PRDM16: variants seen among roughly 807,000 people sequenced by gnomAD.
PRDM16 encodes PR/SET domain 16.
Under a neutral mutation model 110.6 loss-of-function variants are expected in PRDM16, and 23 were observed. The observed-to-expected ratio is 0.21, with a 90% CI of 0.15 to 0.29. The LOEUF (loss-of-function observed/expected upper bound fraction) is 0.29, where lower values mean the gene tolerates loss of function less well. PRDM16 is among the 10% of genes least tolerant of loss of function. The probability of loss-of-function intolerance (pLI) is 1.00; values close to 1 mark genes in which losing one functional copy is unlikely to be tolerated. For missense variants in PRDM16, 1,615 were observed against 1,794.3 expected, an observed-to-expected ratio of 0.90 and a Z score of 1.81; for synonymous variants, 799 against 781.8, an observed-to-expected ratio of 1.02 and a Z score of -0.37.
At chr1:3,164,782 G>C (rs184627414) in intron 1 of PRDM16, among the ~76,000 whole-genome samples, 9 of 152,112 alleles carry the variant, frequency 5.9e-5, no homozygotes, top group Non-Finnish European at 1.0e-4. Context: ...CTGTGTTTGC[G>C]GGGGGAGGCT....
chr1:3,124,769 G>C (rs1034556617), intron 1 of PRDM16, among the ~76,000 whole-genome samples: 1 of 152,202 alleles, frequency 6.6e-6, no homozygotes, highest in Admixed American at 6.5e-5. Context: ...CAGCAGGATG[G>C]GGGGACCTCT....
chr1:3,386,118 T>G (rs1643191537), intron 4 of PRDM16, among the ~76,000 whole-genome samples: 1 of 151,840 alleles, frequency 6.6e-6, no homozygotes, highest in African/African-American at 2.4e-5. Flanking sequence ...ACTTTCCGCC[T>G]GCATCCTGAA....
rs775958668 is a variant in PRDM16, at chr1:3,402,818, G to A, written c.704G>A (p.Cys235Tyr). 1.9e-6 allele frequency: 3 copies of A among 1,612,732 alleles called. No homozygotes were observed. The highest frequency in any genetic ancestry group is 1.1e-5 in the South Asian group (1 of 91,086). ...DEEPTFRCDE[C>Y]DELFQSKLDL... Reference sequence around the variant, plus strand: ...GAGCCCACGTTCCGCTGTGACGAGTGTGACGAACTCTTCCAGTCCAAGCTG... The same window carrying A: ...GAGCCCACGTTCCGCTGTGACGAGTATGACGAACTCTTCCAGTCCAAGCTG... Residue 235 changes from cysteine to tyrosine, a missense_variant, in exon 6 of 17, where the codon TGT (cysteine) becomes TAT (tyrosine). Around this residue, in one of 5 missense-constraint regions of PRDM16, gnomAD observed 416 missense variants for 467.1 expected, o/e 0.89. Coordinates refer to ENST00000270722, the MANE Select transcript of PRDM16 (RefSeq NM_022114.4).
intron 3 of PRDM16, among the ~76,000 whole-genome samples, chr1:3,291,569 CG>C (rs1004714332): frequency 2.0e-5 from 3 of 151,924 alleles, no homozygotes; most frequent in African/African-American, 7.3e-5. Flanking sequence ...ACACTCCTCC[CG>C]CCCCTGCCCA....
At chr1:3,374,672 G>GA (rs1450260945) in intron 3 of PRDM16, among the ~76,000 whole-genome samples, 1 of 152,208 alleles carries the variant, frequency 6.6e-6, no homozygotes, top group Non-Finnish European at 1.5e-5. Context: ...AGCGGAGGCA[G>GA]AGGCATTCTC....
At chr1:3,241,878 G>A (rs1351168862) in intron 2 of PRDM16, among the ~76,000 whole-genome samples, 2 of 152,220 alleles carry the variant, frequency 1.3e-5, no homozygotes, top group Admixed American at 6.5e-5. Flanking sequence ...TGCATCTGAG[G>A]CCACAGCAGG....
rs1641992318 is a variant in PRDM16, at chr1:3,080,273, C to T, written c.37+10977C>T. ...TATTAAATTGCAATAACACGCCGTG[C>T]GAGTGCCTCTCTGAATGGGGTATTC... On this transcript the variant is annotated intron_variant, in intron 1 of 16. Coordinates refer to ENST00000270722, the MANE Select transcript of PRDM16 (RefSeq NM_022114.4). The surrounding 1 kb of genome is among the most constrained non-coding windows in gnomAD (Gnocchi z 5.2). Among the ~76,000 whole-genome samples, 1 of 152,192 alleles carries T rather than the reference C, an allele frequency of 6.6e-6. No homozygotes were observed.
chr1:3,326,713 C>G (rs1641919723), intron 3 of PRDM16, among the ~76,000 whole-genome samples: 1 of 152,250 alleles, frequency 6.6e-6, no homozygotes, highest in African/African-American at 2.4e-5. Flanking sequence ...GCAGTGGCCA[C>G]CACAGGCAGT....
intron 1 of PRDM16, among the ~76,000 whole-genome samples, chr1:3,156,845 C>T (rs1358864325): frequency 6.6e-6 from 1 of 152,330 alleles, no homozygotes; most frequent in Non-Finnish European, 1.5e-5. Flanking sequence ...TGGCTTCTGT[C>T]TGAGCCTCTG....
chr1:3,257,171 C>T (rs1362154280), intron 3 of PRDM16, among the ~76,000 whole-genome samples: 3 of 152,322 alleles, frequency 2.0e-5, no homozygotes, highest in Middle Eastern at 3.4e-3. Context: ...GAGGGCTCTT[C>T]GAGTTGGTTG....
chr1:3,093,922 C>T (rs1642333176), intron 1 of PRDM16, among the ~76,000 whole-genome samples: 1 of 152,236 alleles, frequency 6.6e-6, no homozygotes, highest in Admixed American at 6.5e-5. Context: ...GAAGGAGTTC[C>T]TGACAAATTT....
At chr1:3,338,012 TAC>T (rs563993926) in intron 3 of PRDM16, among the ~76,000 whole-genome samples, 123 of 152,196 alleles carry the variant, frequency 8.1e-4, no homozygotes, top group African/African-American at 2.8e-3. Flanking sequence ...CACAAATGAA[TAC>T]ACACAGACAC....
chr1:3,079,355 C>A (rs1430758077), intron 1 of PRDM16, among the ~76,000 whole-genome samples: 10 of 151,912 alleles, frequency 6.6e-5, no homozygotes, highest in South Asian at 2.1e-4. Context: ...GTGCACAGGG[C>A]TCCTTCATGC....
chr1:3,242,256 C>A (rs1313133331), intron 2 of PRDM16, among the ~76,000 whole-genome samples: 1 of 152,236 alleles, frequency 6.6e-6, no homozygotes, highest in Non-Finnish European at 1.5e-5. Context: ...CAGAGAGATA[C>A]AAACAGCATC....
intron 3 of PRDM16, among the ~76,000 whole-genome samples, chr1:3,267,306 G>T (rs549755747): frequency 1.3e-5 from 2 of 152,320 alleles, no homozygotes; most frequent in East Asian, 3.9e-4. Flanking sequence ...TGAACATAAT[G>T]TTTTCAGTGT....
chr1:3,303,262 T>A (rs1442628739), intron 3 of PRDM16, among the ~76,000 whole-genome samples: 5 of 151,438 alleles, frequency 3.3e-5, no homozygotes, highest in Non-Finnish European at 5.9e-5. Context: ...ATCATGAATG[T>A]CCTCTCTGTC....
chr1:3,374,337 G>A (rs1022891542), intron 3 of PRDM16, among the ~76,000 whole-genome samples: 7 of 152,216 alleles, frequency 4.6e-5, no homozygotes, highest in Non-Finnish European at 8.8e-5. Context: ...CCATAATGCG[G>A]GATCCCTTTA....
At chr1:3,210,934 T>G (rs1012718053) in intron 2 of PRDM16, among the ~76,000 whole-genome samples, 1 of 152,274 alleles carries the variant, frequency 6.6e-6, no homozygotes, top group African/African-American at 2.4e-5. Context: ...TTCATAGATA[T>G]GCATTTGTTT....
chr1:3,380,706 TC>T (rs1643087599), intron 3 of PRDM16, among the ~76,000 whole-genome samples: 1 of 152,150 alleles, frequency 6.6e-6, no homozygotes, highest in African/African-American at 2.4e-5. Context: ...GGGTTAGTAC[TC>T]AGGCCGCACG....
Sources: allele counts gnomAD v4.1 joint callset (sites outside exome capture counted in the v4.1 genomes callset), GRCh38; gene constraint gnomAD v4.1.1; regional missense constraint gnomAD v4.1.1; non-coding constraint Gnocchi (gnomAD v3.1); transcripts MANE v1.5; gene names NCBI Gene and HGNC (gene_info 2026-07-23, HGNC 2026-07-21).